Variants in ZFHX4 observed in about 807,000 individuals in gnomAD.
ZFHX4 encodes the protein zinc finger homeobox 4.
Under a neutral mutation model 267.6 loss-of-function variants are expected in ZFHX4, and 56 were observed. That is an observed-to-expected ratio of 0.21 (90% confidence interval 0.17 to 0.26). ZFHX4 has a LOEUF of 0.26. Ranked by LOEUF, ZFHX4 falls within the 10% of genes least tolerant of loss-of-function variation. The pLI is 1.00. For missense variants in ZFHX4, 4,332 were observed against 4,420.0 expected (o/e 0.98, Z 0.56); for synonymous variants, 1,778 against 1,665.6 (o/e 1.07, Z -1.64).
chr8:76,845,732 T>C (rs1812348621), intron 6 of ZFHX4, among the ~76,000 whole-genome samples: 1 of 152,056 alleles, frequency 6.6e-6, no homozygotes, highest in African/African-American at 2.4e-5. Context: ...TTGAAAATTA[T>C]TAAGAAGGCG....
At chr8:76,697,748 G>A (rs1360795966) in intron 1 of ZFHX4, among the ~76,000 whole-genome samples, 1 of 152,044 alleles carries the variant, frequency 6.6e-6, no homozygotes, top group Non-Finnish European at 1.5e-5. Flanking sequence ...TAACTTCAGG[G>A]TATATTTATA....
Position 76,855,969 on chromosome 8 carries a change from C to T in ZFHX4, c.9048C>T (p.Tyr3016=), listed in dbSNP as rs752252508. Residue 3016 remains tyrosine (Y), a synonymous_variant, in exon 10 of 11, where the codon TAC becomes TAT. Transcript: ENST00000651372. ...AGTGTACCCTCTGCGGGGTGAAGTA[C>T]TCTGCCCGCTTGTCCATCAGAGATC... ...KPECTLCGVK[Y]SARLSIRDHI... is the part of the protein sequence containing the mutation. 9.3e-6 allele frequency: 15 copies of T among 1,613,832 alleles called. No individual in the cohort carries two copies. Among genetic ancestry groups the T allele is most frequent in the Non-Finnish European group, 8.5e-7 (1 of 1,179,880 alleles).
chr8:76,865,883 G>T lies in ZFHX4; in HGVS notation c.*1318G>T, dbSNP rs16939381. 0.05 allele frequency: 7,667 copies of T among 152,296 alleles called. 382 individuals are homozygous for T. The highest frequency in any genetic ancestry group is 0.19 in the East Asian group (964 of 5,174). The allele number at this position is 152,296 out of a possible 1,614,324, so 9.4% of individuals were successfully genotyped here. On this transcript the variant is annotated 3_prime_UTR_variant, in exon 11 of 11. Transcript: ENST00000651372. ...TTACATACTTTTTTTAACCTGTTTTGTTTTATCATATATGCATTAAAAGTA... is the reference window on the plus strand; with the variant it reads ...TTACATACTTTTTTTAACCTGTTTTTTTTTATCATATATGCATTAAAAGTA...
At chr8:76,736,354 G>A (rs2131672745) in intron 3 of ZFHX4, among the ~76,000 whole-genome samples, 1 of 151,970 alleles carries the variant, frequency 6.6e-6, no homozygotes, top group African/African-American at 2.4e-5. Flanking sequence ...AATAAAATTA[G>A]TTAGTGTATT....
chr8:76,849,166 A>C, intron 7 of ZFHX4, 38 bp downstream of exon 7: 1 of 1,516,790 alleles, frequency 6.6e-7, no homozygotes, highest in Non-Finnish European at 8.8e-7. Context: ...GTAAATCTTT[A>C]TTTTTTATTG....
At chr8:76,735,908 G>A (rs1809146940) in intron 3 of ZFHX4, among the ~76,000 whole-genome samples, 1 of 151,994 alleles carries the variant, frequency 6.6e-6, no homozygotes, top group African/African-American at 2.4e-5. Flanking sequence ...TAGGGATTAG[G>A]ATAGTGAGGA....
chr8:76,727,447 T>C (rs975385971), intron 3 of ZFHX4, among the ~76,000 whole-genome samples: 1 of 152,154 alleles, frequency 6.6e-6, no homozygotes, highest in African/African-American at 2.4e-5. Context: ...TAACAGTATT[T>C]CATGTGGATT....
At position 76,817,826 on chromosome 8, in the gene ZFHX4, A is replaced by C. The variant is rs1236060395; in HGVS notation, c.3326-15512A>C. Among the ~76,000 whole-genome samples, 4 of 152,336 alleles carry C rather than the reference A, an allele frequency of 2.6e-5. No homozygotes were observed. The South Asian group carries it at 8.3e-4, about 32-fold the overall frequency. ...TTGCATCTAATAGCAAATGTGGCAA[A>C]TACTTGATGAATTAATTGGAATCAG... On this transcript the variant is annotated intron_variant, in intron 4 of 10. Coordinates refer to ENST00000651372, the MANE Select transcript of ZFHX4 (RefSeq NM_024721.5).
chr8:76,744,961 T>C (rs1809420742), intron 3 of ZFHX4, among the ~76,000 whole-genome samples: 1 of 152,136 alleles, frequency 6.6e-6, no homozygotes. Context: ...TTGAAAAAAG[T>C]ACTCTTCTTG....
chr8:76,772,115 C>A lies in ZFHX4; in HGVS notation c.3094-6093C>A, dbSNP rs139961087. Among the ~76,000 whole-genome samples the A allele has an allele frequency of 4.9e-3, 741 of 152,096 alleles. 14 individuals carry two copies. The highest frequency in any genetic ancestry group is 0.017 in the African/African-American group (691 of 41,486). On this transcript the variant is annotated intron_variant, in intron 3 of 10. Transcript: ENST00000651372. ...GTAAGATTAGTATCTCCTTTGTCGG[C>A]CATATTGTGGAGATTTAATAAAAGA...
chr8:76,828,418 C>A (rs1431419110), intron 4 of ZFHX4, among the ~76,000 whole-genome samples: 2 of 152,164 alleles, frequency 1.3e-5, no homozygotes, highest in Non-Finnish European at 2.9e-5. Context: ...TGCCCTGTGC[C>A]TTTAGAAAAA....
intron 3 of ZFHX4, among the ~76,000 whole-genome samples, chr8:76,715,061 C>A (rs2131628336): frequency 6.6e-6 from 1 of 152,242 alleles, no homozygotes; most frequent in East Asian, 1.9e-4. Context: ...CTTTATTTAT[C>A]AGTTTTAGAC....
At chr8:76,716,761 G>A (rs1057129330) in intron 3 of ZFHX4, among the ~76,000 whole-genome samples, 1 of 152,162 alleles carries the variant, frequency 6.6e-6, no homozygotes, top group Non-Finnish European at 1.5e-5. Flanking sequence ...GAACAGGAAG[G>A]AGAAACTGTT....
intron 3 of ZFHX4, among the ~76,000 whole-genome samples, chr8:76,719,852 G>A (rs1808673141): frequency 6.6e-6 from 1 of 152,154 alleles, no homozygotes; most frequent in African/African-American, 2.4e-5. Flanking sequence ...ATAGGAAAAT[G>A]TGACTGAAAG....
rs541217165 is a variant in ZFHX4 at position 76,704,322 on chromosome 8, G to A, written c.234G>A (p.Lys78=). ...NAAATQVTSA[K]EIPCNECATS... is the part of the protein sequence containing the mutation. The stretch of plus-strand genomic sequence containing the variant: ...CTGCCACTCAGGTTACCTCAGCAAA[G>A]GAGATACCCTGCAACGAATGTGCCA... The change falls in exon 2 of 11, where the codon AAG becomes AAA. Residue 78 remains lysine, a synonymous_variant. Transcript: ENST00000651372. 25 of 1,614,022 alleles carry A rather than the reference G, an allele frequency of 1.5e-5. No individual in the cohort carries two copies. The African/African-American group carries it at 2.7e-4, about 17-fold the overall frequency.
At chr8:76,821,766 T>C (rs1230231331) in intron 4 of ZFHX4, among the ~76,000 whole-genome samples, 1 of 152,212 alleles carries the variant, frequency 6.6e-6, no homozygotes, top group Non-Finnish European at 1.5e-5. Context: ...TACCAGGTAC[T>C]GGCACTTCTA....
chr8:76,833,596 C>T, intron 5 of ZFHX4, 190 bp downstream of exon 5: 2 of 515,080 alleles, frequency 3.9e-6, no homozygotes, highest in Non-Finnish European at 6.9e-6. Flanking sequence ...ATTGACTTTA[C>T]ATTTTAGAGC....
At chr8:76,782,100 ATTTTTTTTTTTTT>A in intron 4 of ZFHX4, 1 of 235,254 alleles carries the variant, frequency 4.3e-6, no homozygotes, top group South Asian at 3.2e-5. Flanking sequence ...TCAGTTAAGA[ATTTTTTTTTTTTT>A]TTTTTTTTTT....
intron 10 of ZFHX4, among the ~76,000 whole-genome samples, chr8:76,860,791 G>A (rs1276875551): frequency 6.6e-6 from 1 of 152,114 alleles, no homozygotes; most frequent in African/African-American, 2.4e-5. Context: ...AGTGTATACT[G>A]TGGTGAAATC....
Sources: gnomAD v4.1 joint callset for allele counts (sites outside exome capture counted in the v4.1 genomes callset) on GRCh38, gnomAD v4.1.1 for gene constraint, MANE v1.5 for transcripts, NCBI Gene and HGNC (gene_info 2026-07-23, HGNC 2026-07-21) for gene names.